CLTCL1: variants seen among roughly 807,000 people sequenced by gnomAD.
CLTCL1 encodes the protein clathrin heavy chain like 1.
In CLTCL1, 159 loss-of-function variants were observed where a neutral mutation model predicts 190.0. That is an observed-to-expected ratio of 0.84 (90% CI 0.74 to 0.95). The LOEUF is 0.95. Among genes scored for constraint, CLTCL1 ranks in the 40% least tolerant of loss-of-function variants. The pLI is 0.00. For synonymous variants in CLTCL1, 752 were observed against 769.6 expected (o/e 0.98, Z 0.38); for missense variants, 1,878 against 2,033.4 (o/e 0.92, Z 1.47).
intron 26 of CLTCL1, among the ~76,000 whole-genome samples, chr22:19,195,971 T>C (rs2084687874): frequency 6.6e-6 from 1 of 151,932 alleles, no homozygotes; most frequent in Non-Finnish European, 1.5e-5. Context: ...GGGCGTGGTA[T>C]GGTGGGAGGG....
At chr22:19,266,083 A>G (rs781937073) in intron 2 of CLTCL1, among the ~76,000 whole-genome samples, 113 of 143,416 alleles carry the variant, frequency 7.9e-4, no homozygotes, top group Non-Finnish European at 1.6e-3. Context: ...GAGTCTCCCT[A>G]TGTTGCCCAG....
intron 1 of CLTCL1, among the ~76,000 whole-genome samples, chr22:19,281,294 C>CAAA (rs361827): frequency 1.7e-5 from 2 of 116,500 alleles, no homozygotes; most frequent in Non-Finnish European, 3.6e-5. Flanking sequence ...GACCCTGTCT[C>CAAA]AAAAAAAAAA....
intron 26 of CLTCL1, 104 bp downstream of exon 26, chr22:19,196,162 G>A: frequency 8.7e-7 from 1 of 1,153,194 alleles, no homozygotes; most frequent in African/African-American, 1.5e-5. Context: ...ACACAGCATG[G>A]GGGCATGCTG....
At chr22:19,193,998 A>G (rs1446522524) in intron 26 of CLTCL1, among the ~76,000 whole-genome samples, 1 of 152,160 alleles carries the variant, frequency 6.6e-6, no homozygotes, top group Non-Finnish European at 1.5e-5. Flanking sequence ...GCCAGCTTTT[A>G]TTCCCTTATT....
chr22:19,189,321 ACT>A (rs1165238521), intron 27 of CLTCL1, among the ~76,000 whole-genome samples: 1 of 152,204 alleles, frequency 6.6e-6, no homozygotes, highest in Non-Finnish European at 1.5e-5. Flanking sequence ...AAACAAAAAG[ACT>A]CTGTGCAGCA....
At chr22:19,279,755 TGTTA>T (rs1555985432) in intron 1 of CLTCL1, among the ~76,000 whole-genome samples, 1 of 152,238 alleles carries the variant, frequency 6.6e-6, no homozygotes, top group Non-Finnish European at 1.5e-5. Flanking sequence ...TTGCGCTTTG[TGTTA>T]GTTATTCATA....
At position 19,180,192 on chromosome 22, in the gene CLTCL1, C is replaced by A. The variant is rs1425717233; in HGVS notation, c.*20+7G>T. The A allele has an allele frequency of 2.5e-6, 4 of 1,612,732 alleles. No individual in the cohort carries two copies. In the African/African-American group the frequency reaches 4.0e-5, roughly 16 times the overall value. On this transcript the variant is annotated splice_region_variant and intron_variant, in intron 32 of 32. Transcript: ENST00000427926. ...AGGATAAGCTAGTCTCCAAATGGGACACTTACTTAGTGCAATCAGCTGGGT... is the reference window on the plus strand; with the variant it reads ...AGGATAAGCTAGTCTCCAAATGGGAAACTTACTTAGTGCAATCAGCTGGGT...
intron 2 of CLTCL1, among the ~76,000 whole-genome samples, chr22:19,271,445 A>G (rs2087315293): frequency 6.6e-6 from 1 of 152,072 alleles, no homozygotes; most frequent in Non-Finnish European, 1.5e-5. Context: ...TGCAAGGAGC[A>G]GTTAAAAAAA....
chr22:19,273,677 T>C (rs1483220931), intron 2 of CLTCL1, among the ~76,000 whole-genome samples: 4 of 152,188 alleles, frequency 2.6e-5, no homozygotes, highest in African/African-American at 4.8e-5. Flanking sequence ...AGCTTTAATC[T>C]CACTCTAGTC....
At chr22:19,281,723 G>C (rs1230005528) in intron 1 of CLTCL1, among the ~76,000 whole-genome samples, 1 of 152,132 alleles carries the variant, frequency 6.6e-6, no homozygotes, top group African/African-American at 2.4e-5. Flanking sequence ...TCTCAGTTTG[G>C]GGATCGATGT....
At position 19,235,865 on chromosome 22, in the gene CLTCL1, C is replaced by T; in HGVS notation, c.800G>A (p.Gly267Glu). 6.2e-7 allele frequency: 1 copy of T among 1,612,860 alleles called. No individual in the cohort carries two copies. Among genetic ancestry groups the T allele is most frequent in the Non-Finnish European group, 8.5e-7 (1 of 1,179,480 alleles). ...CAAGTAAATAACACCATGTTTAGCTCCAATCTATAAGAAGACAGAGAGCAA... is the reference window on the plus strand; with the variant it reads ...CAAGTAAATAACACCATGTTTAGCTTCAATCTATAAGAAGACAGAGAGCAA... ...QNDFPVAMQI[G>E]AKHGVIYLIT... The change falls in exon 6 of 33, where the codon GGA becomes GAA. Residue 267 changes from glycine to glutamate, a missense_variant. Transcript: ENST00000427926.
intron 18 of CLTCL1, among the ~76,000 whole-genome samples, chr22:19,216,485 C>G (rs1555949565): frequency 6.6e-6 from 1 of 152,238 alleles, no homozygotes; most frequent in African/African-American, 2.4e-5. Flanking sequence ...GCTACAGACT[C>G]TTACTCAGCT....
rs535821018 is a variant in CLTCL1 at position 19,217,853 on chromosome 22, G to GAA, written c.2920-1599_2920-1598dup. On this transcript the variant is annotated intron_variant, in intron 18 of 32. Coordinates refer to ENST00000427926, the MANE Select transcript of CLTCL1 (RefSeq NM_007098.4). Reference sequence around the variant, plus strand: ...AGAGCAAAACTCTGTCTCAAAAAGAGAAAAAAAAAAAAAAAGAAAGAAAGA... The same window carrying GAA: ...AGAGCAAAACTCTGTCTCAAAAAGAGAAAAAAAAAAAAAAAAAGAAAGAAAGA... Among the ~76,000 whole-genome samples, 79 of 81,400 alleles carry GAA rather than the reference G, an allele frequency of 9.7e-4. No homozygotes were observed. In the Middle Eastern group the frequency reaches 0.02, roughly 21 times the overall value. 53.4% of individuals were successfully genotyped at this position (81,400 alleles called of 152,430 possible).
chr22:19,224,071 T>C lies in CLTCL1; in HGVS notation c.2129-17A>G, dbSNP rs1329961394. The C allele has an allele frequency of 6.2e-7, 1 of 1,613,316 alleles. No individual in the cohort carries two copies. The highest frequency in any genetic ancestry group is 8.5e-7 in the Non-Finnish European group (1 of 1,179,586). On this transcript the variant is annotated splice_polypyrimidine_tract_variant and intron_variant, in intron 13 of 32. Coordinates refer to ENST00000427926, the MANE Select transcript of CLTCL1 (RefSeq NM_007098.4). ...AGAAGAGGCCTATGAAGAGAGACCA[T>C]TCCATTTTTGTCCTTGTAACACCTG...
chr22:19,285,890 C>T (rs1319953367), intron 1 of CLTCL1, among the ~76,000 whole-genome samples: 3 of 152,158 alleles, frequency 2.0e-5, no homozygotes, highest in Non-Finnish European at 1.5e-5. Context: ...ATGGGAGGAT[C>T]TTCAGTGTGT....
At chr22:19,222,156 TACG>T in intron 15 of CLTCL1, 63 bp from the exon 16 acceptor site, 1 of 1,572,506 alleles carries the variant, frequency 6.4e-7, no homozygotes, top group South Asian at 1.1e-5. Context: ...AGAAGCCTCC[TACG>T]ACGTGGACAG....
Position 19,183,620 on chromosome 22 carries a change from A to T in CLTCL1, c.4606-9T>A. The T allele has an allele frequency of 6.2e-7, 1 of 1,612,966 alleles. No homozygotes were observed. The highest frequency in any genetic ancestry group is 8.5e-7 in the Non-Finnish European group (1 of 1,179,564). On this transcript the variant is annotated splice_polypyrimidine_tract_variant and intron_variant, in intron 29 of 32. Coordinates refer to ENST00000427926, the MANE Select transcript of CLTCL1 (RefSeq NM_007098.4). ...GCATGCTGCATGGCATCCTGCAGCC[A>T]AGGCAAATGCTTGCTTGGGCATCCT...
chr22:19,216,375 G>A, intron 18 of CLTCL1, 119 bp from the exon 19 acceptor site: 1 of 861,910 alleles, frequency 1.2e-6, no homozygotes, highest in African/African-American at 1.7e-5. Flanking sequence ...AGAGAAAATG[G>A]GAGACTTCTT....
chr22:19,183,199 G>A, intron 30 of CLTCL1, 191 bp downstream of exon 30: 2 of 580,548 alleles, frequency 3.4e-6, no homozygotes, highest in Non-Finnish European at 6.2e-6. Context: ...ATTTTCTGGA[G>A]GGGCTTAACG....
Sources: gnomAD v4.1 joint callset for allele counts (sites outside exome capture counted in the v4.1 genomes callset) on GRCh38, gnomAD v4.1.1 for gene constraint, MANE v1.5 for transcripts, NCBI Gene and HGNC (gene_info 2026-07-23, HGNC 2026-07-21) for gene names.